The following ST7 variants were observed in gnomAD, a reference collection of about 807,000 sequenced individuals.
The protein encoded by ST7 is suppressor of tumorigenicity 7 protein.
ST7 carries 28 observed loss-of-function variants against 78.7 expected under a neutral mutation model. The observed-to-expected ratio is 0.36, with a 90% CI of 0.26 to 0.49. The LOEUF (loss-of-function observed/expected upper bound fraction) is 0.49, where lower values mean the gene tolerates loss of function less well. ST7 is among the 20% of genes least tolerant of loss of function. ST7 has a pLI of 0.99. For missense variants in ST7, 418 were observed against 696.0 expected (o/e 0.60, Z 4.49); for synonymous variants, 247 against 249.6 (o/e 0.99, Z 0.10).
At chr7:117,093,303 A>T (rs1351486094) in intron 1 of ST7, among the ~76,000 whole-genome samples, 1 of 152,226 alleles carries the variant, frequency 6.6e-6, no homozygotes, top group African/African-American at 2.4e-5. Context: ...TGCTTGGCAC[A>T]TAGAAGATGC....
Position 117,122,719 on chromosome 7 carries a change from T to C in ST7, c.394+2999T>C, listed in dbSNP as rs1803502430. On this transcript the variant is annotated intron_variant, in intron 3 of 15. Transcript: ENST00000323984. ...CTCCATCTGCCCACTTCTTGACATT[T>C]GGGCTTCTGATATTTGGCTGACTCA... 2.6e-5 allele frequency among the ~76,000 whole-genome samples: 4 copies of C among 152,198 alleles called. 1 individual carries two copies. The South Asian group carries it at 8.3e-4, about 31-fold the overall frequency.
chr7:116,953,876 G>A (rs1238314308), intron 1 of ST7, 185 bp downstream of exon 1: 4 of 179,826 alleles, frequency 2.2e-5, no homozygotes, highest in Admixed American at 6.7e-5. Context: ...CTGGGCGCGC[G>A]GGGGCGGCCG....
At chr7:117,160,291 A>G (rs1437290934) in intron 9 of ST7, among the ~76,000 whole-genome samples, 1 of 151,966 alleles carries the variant, frequency 6.6e-6, no homozygotes. Flanking sequence ...AGCAAATCAA[A>G]TAGCCCTTTG....
At chr7:117,148,020 T>C (rs1217258217) in intron 9 of ST7, among the ~76,000 whole-genome samples, 1 of 152,164 alleles carries the variant, frequency 6.6e-6, no homozygotes, top group Non-Finnish European at 1.5e-5. Context: ...GGTATAAAGA[T>C]TTGTATGTAT....
intron 1 of ST7, among the ~76,000 whole-genome samples, chr7:117,093,258 A>G (rs984891055): frequency 6.6e-6 from 1 of 152,168 alleles, no homozygotes; most frequent in African/African-American, 2.4e-5. Context: ...CACAATGTGG[A>G]TGTTTTACAT....
At chr7:117,014,563 A>G (rs1400215735) in intron 1 of ST7, among the ~76,000 whole-genome samples, 1 of 152,238 alleles carries the variant, frequency 6.6e-6, no homozygotes, top group Non-Finnish European at 1.5e-5. Context: ...TGTAATGACA[A>G]AATTGAGACA....
intron 2 of ST7, among the ~76,000 whole-genome samples, chr7:117,111,411 T>G (rs1802419822): frequency 6.6e-6 from 1 of 152,158 alleles, no homozygotes; most frequent in Admixed American, 6.5e-5. Flanking sequence ...ATTATCAAAT[T>G]AAATTTGATT....
At chr7:116,953,740 G>C in intron 1 of ST7, 49 bp downstream of exon 1, 5 of 1,325,872 alleles carry the variant, frequency 3.8e-6, no homozygotes, top group Non-Finnish European at 4.9e-6. Flanking sequence ...CCCCGCCCCG[G>C]AAAGTTAGTG....
chr7:117,109,461 T>TAGA (rs201485777), intron 2 of ST7, among the ~76,000 whole-genome samples: 1,647 of 152,186 alleles, frequency 0.011, 32 homozygotes, highest in African/African-American at 0.037. Context: ...CTAGAAAACC[T>TAGA]AGAAGAGATG....
chr7:117,070,077 G>A (rs887097318), intron 1 of ST7, among the ~76,000 whole-genome samples: 2 of 152,174 alleles, frequency 1.3e-5, no homozygotes, highest in East Asian at 3.8e-4. Flanking sequence ...TTGGAGAATC[G>A]TGGACTTAGT....
intron 3 of ST7, among the ~76,000 whole-genome samples, chr7:117,124,327 ATAT>A (rs1163973348): frequency 6.6e-6 from 1 of 152,048 alleles, no homozygotes; most frequent in Admixed American, 6.6e-5. Context: ...CAGGAAGCAG[ATAT>A]TATTATTATC....
chr7:117,001,955 G>A (rs1278956897), intron 1 of ST7, among the ~76,000 whole-genome samples: 3 of 152,174 alleles, frequency 2.0e-5, no homozygotes, highest in Admixed American at 6.5e-5. Context: ...GCCAGGCGTG[G>A]TGGCTCACGC....
chr7:117,157,045 G>T (rs1319468290), intron 9 of ST7, among the ~76,000 whole-genome samples: 3 of 152,106 alleles, frequency 2.0e-5, no homozygotes, highest in Admixed American at 1.3e-4. Flanking sequence ...CTTTGTGGAG[G>T]GTAAGGCTTA....
intron 8 of ST7, 102 bp downstream of exon 8, chr7:117,136,337 A>G: frequency 7.1e-7 from 1 of 1,409,624 alleles, no homozygotes; most frequent in Non-Finnish European, 9.9e-7. Context: ...CTCCTAGACA[A>G]GAGAAAATAT....
intron 9 of ST7, among the ~76,000 whole-genome samples, chr7:117,169,661 C>G (rs1425436129): frequency 2.0e-5 from 3 of 152,122 alleles, no homozygotes; most frequent in African/African-American, 7.2e-5. Context: ...TCAGTCTGCC[C>G]AGGCTCAACC....
chr7:117,064,279 A>G (rs1798517809), intron 1 of ST7, among the ~76,000 whole-genome samples: 1 of 152,166 alleles, frequency 6.6e-6, no homozygotes, highest in Non-Finnish European at 1.5e-5. Flanking sequence ...CTTAGAAAAA[A>G]TTTAATAAAT....
In ST7 at chr7:117,220,227, A is replaced by G. The variant is rs532449264; in HGVS notation, c.1498+1051A>G. Among the ~76,000 whole-genome samples, 363 of 152,356 alleles carry G rather than the reference A, an allele frequency of 2.4e-3. 3 individuals carry two copies. The highest frequency in any genetic ancestry group is 8.4e-3 in the African/African-American group (349 of 41,578). ...CTGGGTGCAGAACTCAATGGCTGTC[A>G]TCAGATTGAGGTAGCAGGAGTTGCT... On this transcript the variant is annotated intron_variant, in intron 14 of 15. Coordinates refer to ENST00000323984, the MANE Select transcript of ST7 (RefSeq NM_001369598.1).
At chr7:117,188,773 T>TATATCCTC (rs147832271) in intron 10 of ST7, among the ~76,000 whole-genome samples, 2 of 151,980 alleles carry the variant, frequency 1.3e-5, no homozygotes, top group East Asian at 3.9e-4. Context: ...GACATATATA[T>TATATCCTC]AACTTGGACT....
intron 1 of ST7, among the ~76,000 whole-genome samples, chr7:117,043,921 C>A (rs1289101603): frequency 6.6e-6 from 1 of 152,128 alleles, no homozygotes; most frequent in Non-Finnish European, 1.5e-5. Flanking sequence ...AACTTTTTAG[C>A]CAGTTTTCCT....
Sources: allele counts gnomAD v4.1 joint callset (sites outside exome capture counted in the v4.1 genomes callset), GRCh38; gene constraint gnomAD v4.1.1; transcripts MANE v1.5; gene names NCBI Gene and HGNC (gene_info 2026-07-23, HGNC 2026-07-21).